MED12L: variants seen among roughly 807,000 people sequenced by gnomAD.
MED12L encodes the protein mediator complex subunit 12L, also known as mediator of RNA polymerase II transcription subunit 12-like protein.
Under a neutral mutation model 281.3 loss-of-function variants are expected in MED12L, and 60 were observed. That is an observed-to-expected ratio of 0.21 (90% confidence interval 0.17 to 0.26). The LOEUF (loss-of-function observed/expected upper bound fraction) is 0.26. MED12L is among the 10% of genes least tolerant of loss of function. The pLI is 1.00. For synonymous variants in MED12L, 974 were observed against 987.2 expected (o/e 0.99, Z 0.25); for missense variants, 2,146 against 2,680.9 (o/e 0.80, Z 4.41).
At chr3:151,379,564 G>C (rs1194730746) in intron 31 of MED12L, among the ~76,000 whole-genome samples, 19 of 152,210 alleles carry the variant, frequency 1.2e-4, no homozygotes, top group Admixed American at 1.2e-3. Flanking sequence ...GGGGTCGCCA[G>C]CAAGTACACT....
intron 8 of MED12L, among the ~76,000 whole-genome samples, chr3:151,163,512 T>C (rs1720274819): frequency 6.6e-6 from 1 of 152,150 alleles, no homozygotes; most frequent in Non-Finnish European, 1.5e-5. Context: ...TACTTCTTTT[T>C]TTTTAGCTTT....
chr3:151,412,672 AT>A (rs1717091193), intron 41 of MED12L, among the ~76,000 whole-genome samples: 1 of 152,208 alleles, frequency 6.6e-6, no homozygotes. Flanking sequence ...ACAAACTTGA[AT>A]TTCAAAGCCC....
At chr3:151,086,002 G>T (rs1232899844) in intron 1 of MED12L, 66 bp downstream of exon 1, 1 of 152,266 alleles carries the variant, frequency 6.6e-6, no homozygotes, top group African/African-American at 2.4e-5. Context: ...CGGCGGGCTG[G>T]AGGAGCCCGA....
chr3:151,264,078 T>C (rs1739401556), intron 16 of MED12L, among the ~76,000 whole-genome samples: 3 of 152,214 alleles, frequency 2.0e-5, no homozygotes, highest in Admixed American at 1.3e-4. Flanking sequence ...GTAGTTCTAC[T>C]TCATTTCACT....
chr3:151,204,388 C>T (rs1702780702), intron 16 of MED12L, among the ~76,000 whole-genome samples: 1 of 152,102 alleles, frequency 6.6e-6, no homozygotes. Flanking sequence ...TGTAAAGATG[C>T]TTATGATGAT....
chr3:151,192,626 T>G lies in MED12L; in HGVS notation c.2045T>G (p.Phe682Cys). The G allele has an allele frequency of 6.5e-7, 1 of 1,536,296 alleles. No individual in the cohort carries two copies. ...NIFDEVDKSD[F>C]KTDFGSEFPI... ...TTTGATGAAGTAGACAAGAGTGACT[T>G]TAAAACTGACTTTGGTTCGGAATTT... The change falls in exon 15 of 45, where the codon TTT (phenylalanine) becomes TGT (cysteine). Residue 682 changes from phenylalanine (F) to cysteine (C), a missense_variant. Coordinates refer to ENST00000687756, the MANE Select transcript of MED12L (RefSeq NM_001393769.1).
At chr3:151,396,566 C>T (rs1414955028) in intron 39 of MED12L, among the ~76,000 whole-genome samples, 2 of 152,202 alleles carry the variant, frequency 1.3e-5, no homozygotes, top group Non-Finnish European at 2.9e-5. Flanking sequence ...GTGGAGTTTG[C>T]AGTGAGCCGA....
At chr3:151,107,218 A>G (rs1275367984) in intron 2 of MED12L, among the ~76,000 whole-genome samples, 1 of 151,884 alleles carries the variant, frequency 6.6e-6, no homozygotes, top group Non-Finnish European at 1.5e-5. Context: ...TCTACACCCT[A>G]CCTATTCATG....
intron 4 of MED12L, among the ~76,000 whole-genome samples, chr3:151,127,161 A>G (rs1714661650): frequency 6.6e-6 from 1 of 152,230 alleles, no homozygotes; most frequent in Non-Finnish European, 1.5e-5. Context: ...TGGGATACTA[A>G]TTTGCTAAAT....
chr3:151,146,503 G>A (rs1717778996), intron 5 of MED12L, among the ~76,000 whole-genome samples: 1 of 152,086 alleles, frequency 6.6e-6, no homozygotes, highest in African/African-American at 2.4e-5. Flanking sequence ...AGAGGGTCGT[G>A]GTAGGCATTT....
intron 16 of MED12L, among the ~76,000 whole-genome samples, chr3:151,317,539 C>T (rs535002038): frequency 6.9e-6 from 1 of 145,656 alleles, no homozygotes; most frequent in East Asian, 2.1e-4. Flanking sequence ...CAACCTCCAC[C>T]TCCCGGATTC....
At chr3:151,283,052 G>A (rs1185186060) in intron 16 of MED12L, among the ~76,000 whole-genome samples, 1 of 152,160 alleles carries the variant, frequency 6.6e-6, no homozygotes, top group Admixed American at 6.5e-5. Flanking sequence ...GACTTCATTG[G>A]CAATTGTGCA....
At chr3:151,243,114 T>G (rs1036430589) in intron 16 of MED12L, among the ~76,000 whole-genome samples, 5 of 151,902 alleles carry the variant, frequency 3.3e-5, no homozygotes, top group African/African-American at 9.7e-5. Flanking sequence ...TATGGGGCTG[T>G]GTGAAAAGAC....
chr3:151,197,206 C>T (rs947071311), intron 16 of MED12L, among the ~76,000 whole-genome samples: 1 of 151,938 alleles, frequency 6.6e-6, no homozygotes, highest in Non-Finnish European at 1.5e-5. Context: ...TCTTTTTGCC[C>T]AGGCCGGAGT....
chr3:151,249,041 A>G (rs1260865935), intron 16 of MED12L: 1 of 152,212 alleles, frequency 6.6e-6, no homozygotes, highest in Non-Finnish European at 1.5e-5. Context: ...AAATATTGAC[A>G]TCTCGCCAAA....
chr3:151,432,941 CA>C lies in MED12L; in HGVS notation c.*150del, dbSNP rs35536198. 227,627 of 464,944 alleles carry C rather than the reference CA, an allele frequency of 0.49. 31,269 individuals carry two copies. Among genetic ancestry groups the C allele is most frequent in the African/African-American group, 0.55 (26,481 of 47,892 alleles). The allele number at this position is 464,944 out of a possible 1,614,324, so 28.8% of individuals were successfully genotyped here. A position where few individuals can be genotyped will look rare whatever the true frequency, so the allele number is the denominator to read the frequency against. On this transcript the variant is annotated 3_prime_UTR_variant, in exon 45 of 45. Coordinates refer to ENST00000687756, the MANE Select transcript of MED12L (RefSeq NM_001393769.1). ...TTACTATATTTTATGCTACATCTCA[CA>C]AAAAAAAAAAAAGGTGTTTAAACAA...
intron 11 of MED12L, among the ~76,000 whole-genome samples, chr3:151,168,522 A>G (rs1206379260): frequency 6.6e-6 from 1 of 152,140 alleles, no homozygotes; most frequent in Non-Finnish European, 1.5e-5. Context: ...AGGCACGCAC[A>G]TTTCTGGAAG....
At chr3:151,087,254 T>C (rs972596202) in intron 2 of MED12L, among the ~76,000 whole-genome samples, 1 of 152,224 alleles carries the variant, frequency 6.6e-6, no homozygotes, top group African/African-American at 2.4e-5. Context: ...TGCCGGTCGC[T>C]TTCCCGTTGC....
rs1716145117 is a variant in MED12L at position 151,136,394 on chromosome 3, T to G, written c.556+8410T>G. On this transcript the variant is annotated intron_variant, in intron 5 of 44. Coordinates refer to ENST00000687756, the MANE Select transcript of MED12L (RefSeq NM_001393769.1). ...CTCCACATTTTCACAGTGTTCCTTC[T>G]ATCTCATTTGTCATAAAGGCGATAT... Among the ~76,000 whole-genome samples, 8 of 152,388 alleles carry G rather than the reference T, an allele frequency of 5.2e-5. No homozygotes were observed. The South Asian group carries it at 1.7e-3, about 32-fold the overall frequency.
Sources: gnomAD v4.1 joint callset for allele counts (sites outside exome capture counted in the v4.1 genomes callset) on GRCh38, gnomAD v4.1.1 for gene constraint, MANE v1.5 for transcripts, NCBI Gene and HGNC (gene_info 2026-07-23, HGNC 2026-07-21) for gene names.